The following ACAD11 variants were observed in gnomAD, a reference collection of about 807,000 sequenced individuals.
ACAD11 encodes acyl-CoA dehydrogenase family member 11.
ACAD11 carries 83 observed loss-of-function variants against 102.2 expected under a neutral mutation model. The observed-to-expected ratio is 0.81, with a 90% CI of 0.68 to 0.97. The LOEUF (loss-of-function observed/expected upper bound fraction) is 0.97. Among genes scored for constraint, ACAD11 ranks in the 50% least tolerant of loss-of-function variants. ACAD11 has a pLI of 0.00. For missense variants in ACAD11, 901 were observed against 951.7 expected (o/e 0.95, Z 0.70); for synonymous variants, 324 against 319.8 (o/e 1.01, Z -0.14).
intron 11 of ACAD11, among the ~76,000 whole-genome samples, chr3:132,616,085 T>C (rs965486699): frequency 3.9e-5 from 6 of 152,168 alleles, no homozygotes; most frequent in Non-Finnish European, 8.8e-5. Flanking sequence ...GCTTTGGAAA[T>C]GATCCAAAAT....
chr3:132,626,730 C>T lies in ACAD11; in HGVS notation c.1158G>A (p.Val386=), dbSNP rs777125781. The T allele has an allele frequency of 6.2e-7, 1 of 1,613,770 alleles. No individual in the cohort carries two copies. Among genetic ancestry groups the T allele is most frequent in the African/African-American group, 1.3e-5 (1 of 75,026 alleles). Residue 386 remains valine, a synonymous_variant, in exon 9 of 20, where the codon GTG becomes GTA. Transcript: ENST00000264990. ...TRKGQEVLIK[V]KHFMKQHILP... Reference sequence around the variant, plus strand: ...GAATGTGTTGTTTCATGAAATGCTTCACCTTAATAAGAACTTCCTGACCTT... The same window carrying T: ...GAATGTGTTGTTTCATGAAATGCTTTACCTTAATAAGAACTTCCTGACCTT...
chr3:132,610,438 G>A lies in ACAD11; in HGVS notation c.1415-5233C>T, dbSNP rs766777796. Among the ~76,000 whole-genome samples, 72 of 152,184 alleles carry A rather than the reference G, an allele frequency of 4.7e-4. 1 individual carries two copies. Among genetic ancestry groups the A allele is most frequent in the South Asian group, 1.2e-3 (6 of 4,816 alleles). ...AAAAAACCAACGAATCCAGGAGCTG[G>A]TTTTTTGAAAAGATCAACAAAATTG... On this transcript the variant is annotated intron_variant, in intron 11 of 19. Transcript: ENST00000264990.
At chr3:132,657,932 G>T (rs1576632355) in intron 1 of ACAD11, among the ~76,000 whole-genome samples, 1 of 134,776 alleles carries the variant, frequency 7.4e-6, no homozygotes, top group African/African-American at 2.8e-5. Context: ...GTGCAATCTT[G>T]GCTCACTGCA....
intron 11 of ACAD11, among the ~76,000 whole-genome samples, chr3:132,617,438 T>A (rs890258180): frequency 7.9e-5 from 12 of 152,176 alleles, no homozygotes; most frequent in Non-Finnish European, 1.2e-4. Flanking sequence ...CACCTCAAAA[T>A]CCTTGGAGGC....
At chr3:132,647,129 C>T (rs911352731) in intron 1 of ACAD11, 1 of 152,158 alleles carries the variant, frequency 6.6e-6, no homozygotes, top group Non-Finnish European at 1.5e-5. Context: ...TTAAAAGTTT[C>T]TCTTTTGAGG....
chr3:132,558,748 G>C lies in ACAD11; in HGVS notation c.*223C>G, dbSNP rs1936955476. 2.1e-6 allele frequency: 1 copy of C among 472,642 alleles called. No individual in the cohort carries two copies. The highest frequency in any genetic ancestry group is 3.1e-5 in the South Asian group (1 of 31,794). 29.3% of individuals were successfully genotyped at this position (472,642 alleles called of 1,614,324 possible). On this transcript the variant is annotated 3_prime_UTR_variant, in exon 20 of 20. Coordinates refer to ENST00000264990, the MANE Select transcript of ACAD11 (RefSeq NM_032169.5). ...AACTCCTGGCCTCAAGGAGGCACTA[G>C]ATTGAATGACAACAGCTACAGCATT... is the stretch of plus-strand genomic sequence containing the variant.
At chr3:132,574,953 G>C (rs540767189) in intron 17 of ACAD11, among the ~76,000 whole-genome samples, 2 of 152,094 alleles carry the variant, frequency 1.3e-5, no homozygotes, top group African/African-American at 2.4e-5. Flanking sequence ...TCCTGCCTCA[G>C]CCTCCCCAGT....
chr3:132,558,902 A>C lies in ACAD11; in HGVS notation c.*69T>G, dbSNP rs1379203793. The C allele has an allele frequency of 8.8e-7, 1 of 1,142,422 alleles. No homozygotes were observed. Among genetic ancestry groups the C allele is most frequent in the Non-Finnish European group, 1.3e-6 (1 of 777,426 alleles). The allele number at this position is 1,142,422 out of a possible 1,614,324, so 70.8% of individuals were successfully genotyped here. A position where few individuals can be genotyped will look rare whatever the true frequency, so the allele number is the denominator to read the frequency against. ...AACTGCTACAAAAATATGAGATTCAAATGTTGGAGCCAATGAAGTTTGTAT... is the reference window on the plus strand; with the variant it reads ...AACTGCTACAAAAATATGAGATTCACATGTTGGAGCCAATGAAGTTTGTAT... On this transcript the variant is annotated 3_prime_UTR_variant, in exon 20 of 20. Transcript: ENST00000264990.
chr3:132,626,607 C>A (rs1025193499), intron 9 of ACAD11, 84 bp downstream of exon 9: 133 of 1,497,562 alleles, frequency 8.9e-5, no homozygotes, highest in African/African-American at 9.6e-5. Flanking sequence ...AAAATGACAC[C>A]ATGCTTCTCC....
intron 1 of ACAD11, among the ~76,000 whole-genome samples, chr3:132,652,994 A>G (rs1937612407): frequency 6.6e-6 from 1 of 152,224 alleles, no homozygotes; most frequent in African/African-American, 2.4e-5. Context: ...CAGTTTACCA[A>G]AAAAAGAGGC....
chr3:132,657,153 G>C (rs774340220), intron 1 of ACAD11, among the ~76,000 whole-genome samples: 1 of 152,050 alleles, frequency 6.6e-6, no homozygotes, highest in Non-Finnish European at 1.5e-5. Flanking sequence ...TATCTACCTG[G>C]AACTGTGTGA....
At chr3:132,608,568 G>T (rs981522589) in intron 11 of ACAD11, among the ~76,000 whole-genome samples, 2 of 152,048 alleles carry the variant, frequency 1.3e-5, no homozygotes, top group African/African-American at 4.8e-5. Flanking sequence ...AATGGTAAAG[G>T]GATCAATGCA....
intron 11 of ACAD11, among the ~76,000 whole-genome samples, chr3:132,616,825 T>TA (rs1939425346): frequency 6.6e-6 from 1 of 152,202 alleles, no homozygotes; most frequent in Non-Finnish European, 1.5e-5. Context: ...TACAGTAGCT[T>TA]ATTATTGGAT....
intron 17 of ACAD11, among the ~76,000 whole-genome samples, chr3:132,574,606 C>T (rs866927855): frequency 1.3e-5 from 2 of 151,848 alleles, no homozygotes; most frequent in Non-Finnish European, 2.9e-5. Flanking sequence ...ATAAGGAGAC[C>T]GACATACTAA....
At chr3:132,640,798 A>C (rs1386418339) in intron 4 of ACAD11, among the ~76,000 whole-genome samples, 2 of 152,174 alleles carry the variant, frequency 1.3e-5, no homozygotes, top group Non-Finnish European at 2.9e-5. Context: ...TGTAGGACCT[A>C]GCATATAGTG....
At chr3:132,594,931 T>C (rs56111069) in intron 13 of ACAD11, among the ~76,000 whole-genome samples, 56,925 of 152,022 alleles carry the variant, frequency 0.37, 13,349 homozygotes, top group East Asian at 0.71. Flanking sequence ...TCATTATGTG[T>C]CAGGTATTAT....
At chr3:132,596,843 A>G (rs1938332154) in intron 13 of ACAD11, among the ~76,000 whole-genome samples, 1 of 152,188 alleles carries the variant, frequency 6.6e-6, no homozygotes, top group South Asian at 2.1e-4. Context: ...ATACCTAATG[A>G]TTACTTATAA....
intron 12 of ACAD11, among the ~76,000 whole-genome samples, chr3:132,603,958 T>C (rs1006086242): frequency 3.3e-5 from 5 of 152,232 alleles, no homozygotes; most frequent in Admixed American, 3.3e-4. Context: ...ATGTGTTCTG[T>C]TTCTAAAACT....
At chr3:132,647,346 C>T (rs1256402487) in intron 1 of ACAD11, 1 of 152,060 alleles carries the variant, frequency 6.6e-6, no homozygotes, top group Non-Finnish European at 1.5e-5. Flanking sequence ...AGTTCTTGGA[C>T]AAGATATTTG....
Sources: allele counts gnomAD v4.1 joint callset (sites outside exome capture counted in the v4.1 genomes callset), GRCh38; gene constraint gnomAD v4.1.1; transcripts MANE v1.5; gene names NCBI Gene and HGNC (gene_info 2026-07-23, HGNC 2026-07-21).